The following SCGN variants were observed in gnomAD, a reference collection of about 807,000 sequenced individuals.
SCGN encodes secretagogin, EF-hand calcium binding protein.
A neutral mutation model predicts 39.7 loss-of-function variants in SCGN; 30 were observed. The observed-to-expected ratio is 0.76, with a 90% confidence interval of 0.57 to 1.03. The LOEUF is 1.03. Among genes scored for constraint, SCGN ranks in the 50% least tolerant of loss-of-function variants. SCGN has a pLI of 0.00. For synonymous variants in SCGN, 106 were observed against 114.1 expected, an observed-to-expected ratio of 0.93 and a Z score of 0.45; for missense variants, 353 against 349.4, an observed-to-expected ratio of 1.01 and a Z score of -0.08.
intron 3 of SCGN, among the ~76,000 whole-genome samples, chr6:25,664,194 CT>C (rs1385880152): frequency 4.7e-4 from 72 of 152,286 alleles, no homozygotes; most frequent in Admixed American, 4.4e-3. Flanking sequence ...ATTCATCATA[CT>C]TGAGTCAACT....
intron 6 of SCGN, among the ~76,000 whole-genome samples, chr6:25,681,609 G>A (rs1416692129): frequency 2.0e-5 from 3 of 152,124 alleles, no homozygotes; most frequent in Non-Finnish European, 4.4e-5. Flanking sequence ...CTTTCTTTCT[G>A]CCATGGCAAT....
intron 10 of SCGN, among the ~76,000 whole-genome samples, chr6:25,698,451 A>C (rs1365087461): frequency 6.6e-6 from 1 of 152,262 alleles, no homozygotes; most frequent in Non-Finnish European, 1.5e-5. Flanking sequence ...AATGACTACC[A>C]CTTGAGTATT....
intron 6 of SCGN, among the ~76,000 whole-genome samples, chr6:25,674,098 C>T (rs1759535394): frequency 6.6e-6 from 1 of 152,122 alleles, no homozygotes. Flanking sequence ...AGAAATCTGC[C>T]CCCATGATTC....
intron 10 of SCGN, among the ~76,000 whole-genome samples, chr6:25,695,835 A>G (rs912270101): frequency 1.3e-5 from 2 of 152,152 alleles, no homozygotes; most frequent in African/African-American, 4.8e-5. Context: ...CTGGCCTACA[A>G]AACTTTTTAA....
At chr6:25,700,295 T>G (rs950627486) in intron 10 of SCGN, among the ~76,000 whole-genome samples, 1 of 151,968 alleles carries the variant, frequency 6.6e-6, no homozygotes, top group Non-Finnish European at 1.5e-5. Context: ...AGATCCATTT[T>G]GAAGGATGGG....
intron 5 of SCGN, 145 bp downstream of exon 5, chr6:25,669,712 T>C (rs1759464787): frequency 1.5e-6 from 1 of 679,304 alleles, no homozygotes; most frequent in African/African-American, 1.8e-5. Flanking sequence ...TATATGTATA[T>C]ATTTTCATTT....
chr6:25,667,103 C>G (rs1419915756), intron 4 of SCGN, among the ~76,000 whole-genome samples: 1 of 151,974 alleles, frequency 6.6e-6, no homozygotes, highest in African/African-American at 2.4e-5. Context: ...GGAGATTATA[C>G]ATTTTTTCTT....
chr6:25,677,317 T>A (rs1759577176), intron 6 of SCGN, among the ~76,000 whole-genome samples: 1 of 152,250 alleles, frequency 6.6e-6, no homozygotes, highest in Non-Finnish European at 1.5e-5. Context: ...AGATATTTGT[T>A]TCTGGCTCTT....
chr6:25,655,695 C>G (rs116331261), intron 2 of SCGN, among the ~76,000 whole-genome samples: 2,010 of 152,266 alleles, frequency 0.013, 27 homozygotes, highest in African/African-American at 0.036. Flanking sequence ...ACCCCTAGGT[C>G]TCATCCTGTA....
chr6:25,688,741 G>T (rs1759736611), intron 7 of SCGN, among the ~76,000 whole-genome samples: 1 of 148,168 alleles, frequency 6.7e-6, no homozygotes, highest in Non-Finnish European at 1.5e-5. Context: ...GGCGGAGCTT[G>T]CAGAGAGGCG....
At chr6:25,657,569 A>C (rs550538706) in intron 2 of SCGN, among the ~76,000 whole-genome samples, 1 of 151,880 alleles carries the variant, frequency 6.6e-6, no homozygotes, top group East Asian at 1.9e-4. Flanking sequence ...TCTATGCCCC[A>C]CTTTGCCTCA....
intron 7 of SCGN, among the ~76,000 whole-genome samples, chr6:25,683,300 G>A (rs115876732): frequency 2.4e-4 from 37 of 152,286 alleles, no homozygotes; most frequent in African/African-American, 8.4e-4. Flanking sequence ...CAATCCCAAA[G>A]CCACCAAAGG....
chr6:25,679,808 A>G (rs1350784724), intron 6 of SCGN, among the ~76,000 whole-genome samples: 1 of 152,188 alleles, frequency 6.6e-6, no homozygotes, highest in Non-Finnish European at 1.5e-5. Context: ...TTCCCAGGGA[A>G]AAAGAGGCAA....
chr6:25,690,401 C>G (rs1759761021), intron 9 of SCGN, among the ~76,000 whole-genome samples: 1 of 151,980 alleles, frequency 6.6e-6, no homozygotes, highest in Non-Finnish European at 1.5e-5. Context: ...TTGGTAAATA[C>G]ACTAAGGGAA....
In SCGN at chr6:25,655,776, TTTTTTAC is replaced by T. The variant is rs1231763485; in HGVS notation, c.153+2325_153+2331del. ...AAGCACTCAAAGTCAGTTAGCATGT[TTTTTTAC>T]CCTTTTTTCCTCTAGGAACAGTGAC... On this transcript the variant is annotated intron_variant, in intron 2 of 10. Transcript: ENST00000377961. Among the ~76,000 whole-genome samples the T allele has an allele frequency of 5.3e-5, 8 of 152,302 alleles. No individual in the cohort carries two copies. In the South Asian group the frequency reaches 1.0e-3, roughly 20 times the overall value.
At chr6:25,652,587 C>A in intron 1 of SCGN, 102 bp downstream of exon 1, 1 of 1,092,286 alleles carries the variant, frequency 9.2e-7, no homozygotes, top group Admixed American at 2.0e-5. Context: ...GAAAAGTTAT[C>A]GACCTGGGTT....
At chr6:25,681,837 C>G in intron 6 of SCGN, 114 bp from the exon 7 acceptor site, 2 of 814,224 alleles carry the variant, frequency 2.5e-6, no homozygotes, top group South Asian at 2.9e-5. Context: ...CAAGTGGGCT[C>G]CTCAGCCAAT....
intron 10 of SCGN, among the ~76,000 whole-genome samples, chr6:25,697,027 G>T (rs1405450395): frequency 6.6e-6 from 1 of 152,184 alleles, no homozygotes; most frequent in African/African-American, 2.4e-5. Context: ...AGACTGAAGA[G>T]GTTCTTCCTG....
chr6:25,675,665 C>T (rs1436409047), intron 6 of SCGN, among the ~76,000 whole-genome samples: 1 of 152,196 alleles, frequency 6.6e-6, no homozygotes, highest in Non-Finnish European at 1.5e-5. Flanking sequence ...TTAAGCTTGT[C>T]CCCATCCATG....
Sources: allele counts gnomAD v4.1 joint callset (sites outside exome capture counted in the v4.1 genomes callset), GRCh38; gene constraint gnomAD v4.1.1; transcripts MANE v1.5; gene names NCBI Gene and HGNC (gene_info 2026-07-23, HGNC 2026-07-21).